Variants in PTK2B observed in about 807,000 individuals in gnomAD.
The protein encoded by PTK2B is protein tyrosine kinase 2 beta, also known as protein-tyrosine kinase 2-beta.
In PTK2B, 71 loss-of-function variants were observed where a neutral mutation model predicts 142.9. The ratio of observed to expected loss-of-function variants is 0.50; its 90% CI spans 0.41 to 0.61. The LOEUF (loss-of-function observed/expected upper bound fraction) is 0.61, where lower values mean the gene tolerates loss of function less well. Ranked by LOEUF, PTK2B falls within the 20% of genes least tolerant of loss-of-function variation. The pLI is 0.00. For synonymous variants in PTK2B, 519 were observed against 503.4 expected (o/e 1.03, Z -0.42); for missense variants, 1,105 against 1,320.4 (o/e 0.84, Z 2.53).
At chr8:27,384,626 G>T (rs1807229068) in intron 1 of PTK2B, among the ~76,000 whole-genome samples, 1 of 152,164 alleles carries the variant, frequency 6.6e-6, no homozygotes, top group Non-Finnish European at 1.5e-5. Context: ...TAATTAGCTT[G>T]ACTATAATAA....
chr8:27,338,260 C>CT (rs1172944571), intron 1 of PTK2B, among the ~76,000 whole-genome samples: 2 of 152,126 alleles, frequency 1.3e-5, no homozygotes, highest in African/African-American at 4.8e-5. Flanking sequence ...AGACAATGAT[C>CT]TTTTAAAGGT....
intron 1 of PTK2B, among the ~76,000 whole-genome samples, chr8:27,366,692 G>A (rs746877738): frequency 2.6e-5 from 4 of 152,130 alleles, no homozygotes; most frequent in Non-Finnish European, 5.9e-5. Flanking sequence ...ATTTCCCCCC[G>A]AGGGAGGCAG....
At chr8:27,360,765 C>G (rs1448866099) in intron 1 of PTK2B, among the ~76,000 whole-genome samples, 1 of 152,180 alleles carries the variant, frequency 6.6e-6, no homozygotes, top group East Asian at 1.9e-4. Flanking sequence ...CACCTGGGAT[C>G]TTTTCACTAG....
At chr8:27,451,945 C>A in intron 27 of PTK2B, 1 of 237,768 alleles carries the variant, frequency 4.2e-6, no homozygotes, top group Non-Finnish European at 7.1e-6. Flanking sequence ...CAGGCTCTCT[C>A]CAGAAGACCC....
intron 2 of PTK2B, among the ~76,000 whole-genome samples, chr8:27,417,416 G>C (rs1437136519): frequency 6.6e-6 from 1 of 152,092 alleles, no homozygotes; most frequent in Non-Finnish European, 1.5e-5. Context: ...GGGTAAGGTT[G>C]ACTGGAGAGG....
intron 1 of PTK2B, among the ~76,000 whole-genome samples, chr8:27,343,616 C>T (rs1315580898): frequency 6.6e-6 from 1 of 152,214 alleles, no homozygotes; most frequent in Non-Finnish European, 1.5e-5. Context: ...CAGCCCAATG[C>T]CACAGAGGTG....
chr8:27,430,304 C>G, intron 6 of PTK2B, 60 bp from the exon 7 acceptor site: 1 of 1,608,396 alleles, frequency 6.2e-7, no homozygotes, highest in South Asian at 1.1e-5. Context: ...CTGATTGGCC[C>G]GCAGTCCTGT....
At chr8:27,415,132 A>C (rs1326557356) in intron 2 of PTK2B, among the ~76,000 whole-genome samples, 1 of 152,114 alleles carries the variant, frequency 6.6e-6, no homozygotes, top group Non-Finnish European at 1.5e-5. Context: ...CGTTCTATGG[A>C]GTTTTATCTA....
chr8:27,442,674 C>A (rs1444645833), intron 21 of PTK2B, among the ~76,000 whole-genome samples: 1 of 152,188 alleles, frequency 6.6e-6, no homozygotes, highest in Non-Finnish European at 1.5e-5. Flanking sequence ...TCCTCCCAAC[C>A]TCAGTGTGGC....
intron 1 of PTK2B, among the ~76,000 whole-genome samples, chr8:27,386,830 G>A (rs1225514379): frequency 2.0e-5 from 3 of 151,420 alleles, no homozygotes; most frequent in Non-Finnish European, 4.4e-5. Context: ...GGCTACATCT[G>A]TACAGTTAGA....
Position 27,391,802 on chromosome 8 carries a change from C to T in PTK2B, c.-37-5746C>T, listed in dbSNP as rs146827962. Among the ~76,000 whole-genome samples, 113 of 152,344 alleles carry T rather than the reference C, an allele frequency of 7.4e-4. 1 individual carries two copies. The highest frequency in any genetic ancestry group is 2.6e-3 in the African/African-American group (109 of 41,578). ...ATTTTGGCCAAGAAGTTCTTACAGACAATCAGAAGTTTTCCTGTTTTAATT... is the reference window on the plus strand; with the variant it reads ...ATTTTGGCCAAGAAGTTCTTACAGATAATCAGAAGTTTTCCTGTTTTAATT... On this transcript the variant is annotated intron_variant, in intron 1 of 30. Coordinates refer to ENST00000346049, the MANE Select transcript of PTK2B (RefSeq NM_173176.3).
At chr8:27,445,503 T>C (rs1325712023) in intron 23 of PTK2B, among the ~76,000 whole-genome samples, 1 of 152,178 alleles carries the variant, frequency 6.6e-6, no homozygotes, top group East Asian at 1.9e-4. Context: ...AACTATTTTT[T>C]GAAGAGTCCT....
At chr8:27,416,610 A>G (rs1327326515) in intron 2 of PTK2B, among the ~76,000 whole-genome samples, 3 of 152,256 alleles carry the variant, frequency 2.0e-5, no homozygotes, top group Non-Finnish European at 2.9e-5. Context: ...AACGCTAACC[A>G]TGAAAGAAAA....
chr8:27,458,754 T>G lies in PTK2B; in HGVS notation c.*245T>G. The G allele has an allele frequency of 1.8e-6, 1 of 562,002 alleles. No homozygotes were observed. The highest frequency in any genetic ancestry group is 3.2e-6 in the Non-Finnish European group (1 of 312,628). The allele number at this position is 562,002 out of a possible 1,614,324, so 34.8% of individuals were successfully genotyped here. On this transcript the variant is annotated 3_prime_UTR_variant, in exon 31 of 31. Transcript: ENST00000346049. ...TGACAAAGATGGCTCAGAGGGGGAC[T>G]GCTGCTGCCTGGCCACTGCTCCCTA...
chr8:27,318,988 C>G (rs1000940264), intron 3 of PTK2B, among the ~76,000 whole-genome samples: 4 of 152,104 alleles, frequency 2.6e-5, no homozygotes, highest in Non-Finnish European at 4.4e-5. Flanking sequence ...TAAAAATGCT[C>G]TTCAGTGTTT....
intron 1 of PTK2B, among the ~76,000 whole-genome samples, chr8:27,393,205 AC>A (rs964593266): frequency 6.6e-6 from 1 of 152,014 alleles, no homozygotes; most frequent in Non-Finnish European, 1.5e-5. Flanking sequence ...ACTCCTGCCC[AC>A]CTCCCAGGAT....
intron 18 of PTK2B, 78 bp from the exon 19 acceptor site, chr8:27,438,953 T>C: frequency 7.6e-7 from 1 of 1,318,910 alleles, no homozygotes; most frequent in East Asian, 2.3e-5. Context: ...TCTTTTTCCA[T>C]CTGTCTGTCC....
At chr8:27,409,055 C>T (rs1240386350) in intron 2 of PTK2B, among the ~76,000 whole-genome samples, 6 of 152,196 alleles carry the variant, frequency 3.9e-5, no homozygotes, top group African/African-American at 1.4e-4. Flanking sequence ...TCCCCGTGTG[C>T]ATGTCTCTCT....
At chr8:27,342,048 A>G (rs1489760606) in intron 1 of PTK2B, among the ~76,000 whole-genome samples, 1 of 152,132 alleles carries the variant, frequency 6.6e-6, no homozygotes, top group African/African-American at 2.4e-5. Context: ...CAAGAATTGT[A>G]CTTCCCACAG....
Sources: gnomAD v4.1 joint callset for allele counts (sites outside exome capture counted in the v4.1 genomes callset) on GRCh38, gnomAD v4.1.1 for gene constraint, MANE v1.5 for transcripts, NCBI Gene and HGNC (gene_info 2026-07-23, HGNC 2026-07-21) for gene names.